DIAPH3: variants seen among roughly 807,000 people sequenced by gnomAD.
The protein encoded by DIAPH3 is diaphanous related formin 3.
A neutral mutation model predicts 144.3 loss-of-function variants in DIAPH3; 117 were observed. The observed-to-expected ratio is 0.81, with a 90% CI of 0.70 to 0.95. DIAPH3 has a LOEUF of 0.95. Ranked by LOEUF, DIAPH3 falls within the 40% of genes least tolerant of loss-of-function variation. DIAPH3 has a pLI of 0.00. For missense variants in DIAPH3, 1,421 were observed against 1,412.7 expected (o/e 1.01, Z -0.09); for synonymous variants, 519 against 488.9 (o/e 1.06, Z -0.81).
chr13:59,738,271 TAG>T (rs759139735), intron 27 of DIAPH3, among the ~76,000 whole-genome samples: 35 of 152,044 alleles, frequency 2.3e-4, no homozygotes, highest in Non-Finnish European at 4.4e-4. Flanking sequence ...GTCATCTTAG[TAG>T]AGATCCTGCT....
At chr13:59,935,130 C>T (rs2048204644) in intron 17 of DIAPH3, among the ~76,000 whole-genome samples, 1 of 152,146 alleles carries the variant, frequency 6.6e-6, no homozygotes, top group Non-Finnish European at 1.5e-5. Flanking sequence ...CCATTTGCAA[C>T]CAAACACAGA....
intron 3 of DIAPH3, among the ~76,000 whole-genome samples, chr13:60,110,787 G>A (rs1194405084): frequency 6.6e-6 from 1 of 152,090 alleles, no homozygotes; most frequent in Non-Finnish European, 1.5e-5. Flanking sequence ...AAGTGATCTG[G>A]CCCAGTTATT....
intron 23 of DIAPH3, among the ~76,000 whole-genome samples, chr13:59,837,075 G>A (rs902337582): frequency 2.6e-5 from 4 of 151,904 alleles, no homozygotes; most frequent in African/African-American, 4.8e-5. Context: ...AAAAGCAAAC[G>A]AGTGCAATCT....
chr13:59,905,079 A>G (rs2046651405), intron 20 of DIAPH3, among the ~76,000 whole-genome samples: 1 of 152,124 alleles, frequency 6.6e-6, no homozygotes, highest in Non-Finnish European at 1.5e-5. Context: ...ACGGTGGCTC[A>G]TGCCTGTAAT....
At chr13:59,679,422 G>A (rs573866226) in intron 27 of DIAPH3, among the ~76,000 whole-genome samples, 1 of 152,204 alleles carries the variant, frequency 6.6e-6, no homozygotes, top group East Asian at 1.9e-4. Flanking sequence ...TGTCAGCAGG[G>A]ACTGTTTCCT....
At chr13:59,949,698 T>C (rs1388679526) in intron 17 of DIAPH3, among the ~76,000 whole-genome samples, 1 of 152,190 alleles carries the variant, frequency 6.6e-6, no homozygotes, top group Non-Finnish European at 1.5e-5. Context: ...AAATATTTAC[T>C]ATTCAGTCTT....
At chr13:59,940,487 T>C (rs2048473949) in intron 17 of DIAPH3, among the ~76,000 whole-genome samples, 1 of 152,218 alleles carries the variant, frequency 6.6e-6, no homozygotes, top group Non-Finnish European at 1.5e-5. Flanking sequence ...GGAACACCTA[T>C]TAATTGGGAC....
intron 25 of DIAPH3, among the ~76,000 whole-genome samples, chr13:59,780,326 A>C (rs957612434): frequency 2.6e-5 from 4 of 152,200 alleles, no homozygotes; most frequent in African/African-American, 9.7e-5. Context: ...TGGCAAAAGG[A>C]ATAACAGGTA....
chr13:59,999,010 G>A (rs12431183), intron 9 of DIAPH3, among the ~76,000 whole-genome samples: 36,239 of 151,974 alleles, frequency 0.24, 5,351 homozygotes, highest in Admixed American at 0.37. Context: ...ACAAAAAATA[G>A]TAAATCAAGA....
At chr13:60,076,507 C>T (rs1448564251) in intron 4 of DIAPH3, among the ~76,000 whole-genome samples, 1 of 152,124 alleles carries the variant, frequency 6.6e-6, no homozygotes, top group South Asian at 2.1e-4. Flanking sequence ...GTTGACATAA[C>T]AGGAAAGTCA....
intron 27 of DIAPH3, among the ~76,000 whole-genome samples, chr13:59,718,544 T>C (rs182883541): frequency 7.9e-5 from 12 of 152,292 alleles, no homozygotes; most frequent in African/African-American, 2.6e-4. Flanking sequence ...TAGGTTAATG[T>C]GCCTGTTAAG....
intron 14 of DIAPH3, among the ~76,000 whole-genome samples, chr13:59,980,001 C>T (rs931004157): frequency 6.6e-6 from 1 of 151,578 alleles, no homozygotes; most frequent in African/African-American, 2.4e-5. Flanking sequence ...TAAATTTATG[C>T]CTACTGTTCC....
intron 17 of DIAPH3, among the ~76,000 whole-genome samples, chr13:59,965,219 C>A (rs2049981015): frequency 6.6e-6 from 1 of 152,152 alleles, no homozygotes; most frequent in South Asian, 2.1e-4. Flanking sequence ...TTTCCATATG[C>A]CATAACTATT....
intron 25 of DIAPH3, among the ~76,000 whole-genome samples, chr13:59,787,753 T>A (rs1555297577): frequency 6.6e-6 from 1 of 151,806 alleles, no homozygotes; most frequent in Non-Finnish European, 1.5e-5. Context: ...ATCTTTGTGT[T>A]CCCCCCCAAC....
Position 59,880,870 on chromosome 13 carries a change from C to T in DIAPH3, c.2368-1402G>A, listed in dbSNP as rs546279900. On this transcript the variant is annotated intron_variant, in intron 20 of 27. Coordinates refer to ENST00000400324, the MANE Select transcript of DIAPH3 (RefSeq NM_001042517.2). ...TCATATACAATCAAGATTCTAAGGGCTCAATTAATGTAGTTATTAATAAGA... is the reference window on the plus strand; with the variant it reads ...TCATATACAATCAAGATTCTAAGGGTTCAATTAATGTAGTTATTAATAAGA... 4.7e-4 allele frequency among the ~76,000 whole-genome samples: 71 copies of T among 150,358 alleles called. 3 individuals carry two copies. In the South Asian group the frequency reaches 0.014, roughly 29 times the overall value.
chr13:59,872,812 G>C (rs1199895871), intron 21 of DIAPH3, among the ~76,000 whole-genome samples: 1 of 152,226 alleles, frequency 6.6e-6, no homozygotes, highest in African/African-American at 2.4e-5. Flanking sequence ...GGATTCAGAG[G>C]CTGGGTGTTT....
At chr13:59,997,716 C>T (rs1367351669) in intron 9 of DIAPH3, among the ~76,000 whole-genome samples, 5 of 152,088 alleles carry the variant, frequency 3.3e-5, no homozygotes, top group Admixed American at 2.6e-4. Flanking sequence ...AGAGCAGAAG[C>T]TTTCAACCTG....
chr13:59,782,897 T>C (rs1199754549), intron 25 of DIAPH3, among the ~76,000 whole-genome samples: 1 of 152,126 alleles, frequency 6.6e-6, no homozygotes, highest in Non-Finnish European at 1.5e-5. Context: ...TTGAAGAATG[T>C]GCAGTGGATA....
At chr13:59,855,237 T>C (rs2043192031) in intron 22 of DIAPH3, among the ~76,000 whole-genome samples, 1 of 152,204 alleles carries the variant, frequency 6.6e-6, no homozygotes, top group Non-Finnish European at 1.5e-5. Flanking sequence ...GATTTAAATA[T>C]GTGGTCTCTT....
Sources: allele counts gnomAD v4.1 joint callset (sites outside exome capture counted in the v4.1 genomes callset), GRCh38; gene constraint gnomAD v4.1.1; transcripts MANE v1.5; gene names NCBI Gene and HGNC (gene_info 2026-07-23, HGNC 2026-07-21).